ZBTB1: variants seen among roughly 807,000 people sequenced by gnomAD.
ZBTB1 encodes the protein zinc finger and BTB domain-containing protein 1.
ZBTB1 carries 13 observed loss-of-function variants against 51.6 expected under a neutral mutation model. The ratio of observed to expected loss-of-function variants is 0.25; its 90% CI spans 0.16 to 0.40. The LOEUF (loss-of-function observed/expected upper bound fraction) is 0.40, where lower values mean the gene tolerates loss of function less well. Among genes scored for constraint, ZBTB1 ranks in the 10% least tolerant of loss-of-function variants. ZBTB1 has a pLI of 1.00. For missense variants in ZBTB1, 567 were observed against 856.5 expected, an observed-to-expected ratio of 0.66 and a Z score of 4.22; for synonymous variants, 240 against 282.2, an observed-to-expected ratio of 0.85 and a Z score of 1.50.
intron 1 of ZBTB1, among the ~76,000 whole-genome samples, chr14:64,518,902 A>C (rs1475098203): frequency 9.8e-6 from 1 of 101,676 alleles, no homozygotes; most frequent in Non-Finnish European, 2.0e-5. Flanking sequence ...AGTTGCAGAG[A>C]GGTATATATA....
At chr14:64,506,535 A>G (rs1221314547) in intron 1 of ZBTB1, among the ~76,000 whole-genome samples, 1 of 152,184 alleles carries the variant, frequency 6.6e-6, no homozygotes, top group Non-Finnish European at 1.5e-5. Flanking sequence ...CTCTGTCTCA[A>G]AAAAACAAAC....
intron 1 of ZBTB1, chr14:64,505,168 G>A (rs1458547289): frequency 6.0e-6 from 2 of 334,656 alleles, no homozygotes; most frequent in East Asian, 4.6e-5. Context: ...CTGAGTCGGA[G>A]GCGAAGCCCC....
chr14:64,506,019 GGA>G (rs1201932755), intron 1 of ZBTB1, among the ~76,000 whole-genome samples: 1 of 152,156 alleles, frequency 6.6e-6, no homozygotes, highest in Admixed American at 6.5e-5. Context: ...TCTTTGAAAC[GGA>G]GAAATTAGAT....
chr14:64,520,029 T>A (rs1051052759), intron 1 of ZBTB1, among the ~76,000 whole-genome samples: 2 of 151,940 alleles, frequency 1.3e-5, no homozygotes, highest in African/African-American at 4.8e-5. Flanking sequence ...TGAAACGGAG[T>A]CTCGCTCTGT....
intron 1 of ZBTB1, among the ~76,000 whole-genome samples, chr14:64,512,134 A>C (rs951721645): frequency 6.6e-6 from 1 of 152,216 alleles, no homozygotes; most frequent in African/African-American, 2.4e-5. Context: ...TGGATTGAAA[A>C]GGCAAAGGAA....
exon 3 of ZBTB1, chr14:64,531,920 A>G: frequency 1.9e-6 from 3 of 1,613,282 alleles, no homozygotes; most frequent in Non-Finnish European, 8.5e-7. Context: ...TGGAGAGGAC[A>G]TGGGGAAGAA....
chr14:64,516,977 T>C (rs907474248), intron 1 of ZBTB1, among the ~76,000 whole-genome samples: 1 of 152,242 alleles, frequency 6.6e-6, no homozygotes, highest in African/African-American at 2.4e-5. Flanking sequence ...AAAGGGTCTT[T>C]GGAACTTCTG....
In ZBTB1 at chr14:64,523,012, T is replaced by G. The variant is rs759436083; in HGVS notation, c.1508T>G (p.Met503Arg). ...GATGAGCAGTCCGAAATAAGAGATA[T>G]GTTTGTTGAAATGCTGGATGATTTT... ...NPDEQSEIRD[M>R]FVEMLDDFRD... The change falls in exon 2 of 2, where the codon ATG becomes AGG. Residue 503 changes from methionine to arginine, a missense_variant. By Grantham distance (91) the Met-to-Arg change is moderately conservative (BLOSUM62 -1). Around this residue, in one of 5 missense-constraint regions of ZBTB1, gnomAD observed 329 missense variants for 406.3 expected, o/e 0.81. Coordinates refer to ENST00000683701, the MANE Select transcript of ZBTB1 (RefSeq NM_001123329.2). This position sits in a 1 kb window ranked among gnomAD's most constrained non-coding sequence, Gnocchi z 4.5. The G allele has an allele frequency of 1.2e-6, 2 of 1,614,162 alleles. No individual in the cohort carries two copies. Among genetic ancestry groups the G allele is most frequent in the Admixed American group, 3.3e-5 (2 of 60,024 alleles).
downstream of ZBTB1, among the ~76,000 whole-genome samples, chr14:64,526,315 T>C (rs536879464): frequency 7.9e-5 from 12 of 152,298 alleles, no homozygotes; most frequent in African/African-American, 2.2e-4. Context: ...TTCCCTAATA[T>C]CTCCTTCCTC....
At chr14:64,532,057 AACTCAGTAAAGATC>A (rs997757405) in exon 3 of ZBTB1, 26 of 748,036 alleles carry the variant, frequency 3.5e-5, no homozygotes, top group Middle Eastern at 2.4e-4. Flanking sequence ...GATCCAAGAA[AACTCAGTAAAGATC>A]ACTTTGGAAT....
intron 1 of ZBTB1, among the ~76,000 whole-genome samples, chr14:64,520,230 C>T (rs1033358400): frequency 6.6e-6 from 1 of 152,168 alleles, no homozygotes; most frequent in African/African-American, 2.4e-5. Flanking sequence ...GTTTCGATCT[C>T]CTGACCTCGT....
chr14:64,518,903 G>GATATATATATATATATATATATATATAT (rs1566633362), intron 1 of ZBTB1, among the ~76,000 whole-genome samples: 1 of 41,060 alleles, frequency 2.4e-5, no homozygotes, highest in African/African-American at 9.0e-5. Flanking sequence ...GTTGCAGAGA[G>GATATATATATATATATATATATATATAT]GTATATATAT....
rs1484407104 is a variant in ZBTB1 at position 64,521,495 on chromosome 14, T to C, written c.-10T>C. 5.1e-6 allele frequency: 8 copies of C among 1,581,422 alleles called. No homozygotes were observed. The highest frequency in any genetic ancestry group is 2.7e-5 in the African/African-American group (2 of 73,264). ...ATTTTTGTTTTACATAGGTCTCTAATTAACAGAAGATGGCAAAGCCCAGCC... is the reference window on the plus strand; with the variant it reads ...ATTTTTGTTTTACATAGGTCTCTAACTAACAGAAGATGGCAAAGCCCAGCC... On this transcript the variant is annotated 5_prime_UTR_variant, in exon 2 of 2. Coordinates refer to ENST00000683701, the MANE Select transcript of ZBTB1 (RefSeq NM_001123329.2).
In ZBTB1 at chr14:64,517,756, AATATATATAT is replaced by A. The variant is rs71444661; in HGVS notation, c.-18-3714_-18-3705del. ...CCCACTTCTGTAGTTGCCATTTAGA[AATATATATAT>A]ATATATATATATATATTTTTTTTTT... On this transcript the variant is annotated intron_variant, in intron 1 of 1. Transcript: ENST00000683701. Among the ~76,000 whole-genome samples the A allele has an allele frequency of 1.6e-3, 98 of 60,724 alleles. 1 individual carries two copies. Among genetic ancestry groups the A allele is most frequent in the African/African-American group, 5.5e-3 (86 of 15,772 alleles). 39.8% of individuals were successfully genotyped at this position (60,724 alleles called of 152,430 possible).
At chr14:64,520,742 A>G (rs2079851788) in intron 1 of ZBTB1, among the ~76,000 whole-genome samples, 1 of 152,224 alleles carries the variant, frequency 6.6e-6, no homozygotes. Flanking sequence ...AAAATGAGCA[A>G]TAGCTCCTTA....
At chr14:64,504,303 G>GGGCGAGGTTGCCGGAGCAC (rs1377509497), upstream of ZBTB1, among the ~76,000 whole-genome samples, 72 of 152,230 alleles carry the variant, frequency 4.7e-4, 1 homozygote, top group African/African-American at 1.3e-3. Flanking sequence ...CGACGGGGCA[G>GGGCGAGGTTGCCGGAGCAC]GGCGAGGTTG....
Position 64,504,814 on chromosome 14 carries a change from C to CTCT in ZBTB1, c.-151_-150insTCT, listed in dbSNP as rs1269883480. 1 of 388,862 alleles carries CTCT rather than the reference C, an allele frequency of 2.6e-6. No individual in the cohort carries two copies. Among genetic ancestry groups the CTCT allele is most frequent in the Non-Finnish European group, 4.5e-6 (1 of 219,900 alleles). 24.1% of individuals were successfully genotyped at this position (388,862 alleles called of 1,614,324 possible). ...CAGAGCCAGAGCCTCTCCGCGCAGC[C>CTCT]CAGCCCGAGCGCCGAGCGCCGCGCG... On this transcript the variant is annotated 5_prime_UTR_variant, in exon 1 of 2. Coordinates refer to ENST00000683701, the MANE Select transcript of ZBTB1 (RefSeq NM_001123329.2).
chr14:64,531,220 T>C (rs970332078), intron 2 of ZBTB1, among the ~76,000 whole-genome samples: 5 of 152,196 alleles, frequency 3.3e-5, no homozygotes, highest in Non-Finnish European at 5.9e-5. Context: ...ACCATCTTTT[T>C]TTTCAAATGC....
At chr14:64,527,844 A>G (rs1428016929), downstream of ZBTB1, among the ~76,000 whole-genome samples, 1 of 152,210 alleles carries the variant, frequency 6.6e-6, no homozygotes, top group Non-Finnish European at 1.5e-5. Context: ...GGATATAAAA[A>G]TTGAATAAAA....
Sources: gnomAD v4.1 joint callset for allele counts (sites outside exome capture counted in the v4.1 genomes callset) on GRCh38, gnomAD v4.1.1 for gene constraint, gnomAD v4.1.1 regional missense constraint, Gnocchi (gnomAD v3.1) non-coding constraint, MANE v1.5 for transcripts, NCBI Gene and HGNC (gene_info 2026-07-23, HGNC 2026-07-21) for gene names.